The following FGF13 variants were observed in gnomAD, a reference collection of about 807,000 sequenced individuals.
FGF13 encodes the protein fibroblast growth factor homologous factor 2.
FGF13 carries 2 observed loss-of-function variants against 19.5 expected under a neutral mutation model. That is an observed-to-expected ratio of 0.10 (90% CI 0.04 to 0.32). The LOEUF is 0.32. Ranked by LOEUF, FGF13 falls within the 10% of genes least tolerant of loss-of-function variation. The pLI is 1.00. For synonymous variants in FGF13, 72 were observed against 76.9 expected, an observed-to-expected ratio of 0.94 and a Z score of 0.33; for missense variants, 113 against 192.7, an observed-to-expected ratio of 0.59 and a Z score of 2.45.
At chrX:138,944,471 TCTA>T (rs1391560179) in intron 1 of FGF13, among the ~76,000 whole-genome samples, 1 of 105,274 alleles carries the variant, frequency 9.5e-6, no homozygotes, top group Non-Finnish European at 1.9e-5. Context: ...GACCAGATTC[TCTA>T]CTGAGAGATC....
At chrX:139,090,158 A>T in intron 1 of FGF13, among the ~76,000 whole-genome samples, 1 of 112,302 alleles carries the variant, frequency 8.9e-6, no homozygotes, top group Admixed American at 9.4e-5. Context: ...TAATGTGTCA[A>T]GCACCATGAC....
chrX:138,858,848 T>A (rs1401423467), intron 2 of FGF13, among the ~76,000 whole-genome samples: 2 of 112,073 alleles, frequency 1.8e-5, no homozygotes, highest in African/African-American at 6.5e-5. Context: ...GCTCATTGGC[T>A]GGGATCTTAA....
At chrX:138,697,732 C>T (rs1283619976) in intron 3 of FGF13, among the ~76,000 whole-genome samples, 1 of 111,020 alleles carries the variant, frequency 9.0e-6, no homozygotes, top group East Asian at 2.8e-4. Flanking sequence ...AATAGTAATG[C>T]TTTTGGTTTA....
chrX:138,752,255 C>T (rs2090403598), intron 3 of FGF13, among the ~76,000 whole-genome samples: 1 of 110,607 alleles, frequency 9.0e-6, no homozygotes, highest in Admixed American at 9.6e-5. Context: ...GGGGAAATCT[C>T]GTCTCTACTA....
chrX:138,977,548 T>C (rs1446708461), intron 1 of FGF13, among the ~76,000 whole-genome samples: 3 of 112,645 alleles, frequency 2.7e-5, no homozygotes, highest in Non-Finnish European at 3.7e-5. Flanking sequence ...TCCTAAGAAA[T>C]TGGCCTTTGC....
intron 1 of FGF13, among the ~76,000 whole-genome samples, chrX:139,021,026 G>A (rs1036234958): frequency 2.7e-5 from 3 of 111,122 alleles, no homozygotes; most frequent in African/African-American, 9.8e-5. Context: ...GAAATATATT[G>A]TAAAATATAT....
At chrX:138,885,700 A>AC (rs11428720) in intron 1 of FGF13, among the ~76,000 whole-genome samples, 1,598 of 98,588 alleles carry the variant, frequency 0.016, 27 homozygotes, top group African/African-American at 0.052. Flanking sequence ...GGCTTCTCTA[A>AC]CCCCCCCCGC....
chrX:138,835,880 G>A (rs2091109304), intron 3 of FGF13, among the ~76,000 whole-genome samples: 1 of 111,049 alleles, frequency 9.0e-6, no homozygotes, highest in Non-Finnish European at 1.9e-5. Flanking sequence ...TTGCTTGTCT[G>A]GAAAGGATCT....
chrX:138,711,054 G>GCCT lies in FGF13; in HGVS notation c.-54_-52dup. 1 of 1,196,250 alleles carries GCCT rather than the reference G, an allele frequency of 8.4e-7. No individual in the cohort carries two copies. The highest frequency in any genetic ancestry group is 1.7e-5 in the African/African-American group (1 of 57,637). On this transcript the variant is annotated 5_prime_UTR_variant, in exon 1 of 5. Transcript: ENST00000315930. Reference sequence around the variant, plus strand: ...TCTTTTGCTGCCCCTCTCTGGGTTCGCCTCCTCCTCCTTCTCCTCCGCTGC... The same window carrying GCCT: ...TCTTTTGCTGCCCCTCTCTGGGTTCGCCTCCTCCTCCTCCTTCTCCTCCGCTGC...
At chrX:138,917,325 CA>C (rs752226891) in intron 1 of FGF13, among the ~76,000 whole-genome samples, 3 of 111,545 alleles carry the variant, frequency 2.7e-5, no homozygotes, top group Non-Finnish European at 5.6e-5. Context: ...ACTGTTCTCA[CA>C]AGAAGAGGAA....
intron 1 of FGF13, among the ~76,000 whole-genome samples, chrX:139,127,675 C>T (rs1348614592): frequency 1.8e-5 from 2 of 111,766 alleles, no homozygotes; most frequent in Non-Finnish European, 1.9e-5. Flanking sequence ...TCTTGGCAGT[C>T]ACAAGGGCTA....
At chrX:138,962,251 T>C (rs1163975876) in intron 1 of FGF13, among the ~76,000 whole-genome samples, 1 of 112,136 alleles carries the variant, frequency 8.9e-6, no homozygotes, top group African/African-American at 3.2e-5. Context: ...AAAATGCTCA[T>C]CATCACTGGT....
intron 2 of FGF13, among the ~76,000 whole-genome samples, chrX:138,860,300 C>T (rs1004089680): frequency 9.0e-6 from 1 of 111,162 alleles, no homozygotes; most frequent in African/African-American, 3.3e-5. Flanking sequence ...AGATGACTTC[C>T]CACAGGACTC....
At chrX:138,803,178 T>C (rs1394541346) in intron 3 of FGF13, among the ~76,000 whole-genome samples, 1 of 112,135 alleles carries the variant, frequency 8.9e-6, no homozygotes, top group Non-Finnish European at 1.9e-5. Flanking sequence ...AATTAGCCTT[T>C]CTGCCACCAT....
chrX:138,953,421 C>A (rs1036550518), intron 1 of FGF13, among the ~76,000 whole-genome samples: 1 of 109,494 alleles, frequency 9.1e-6, no homozygotes, highest in East Asian at 2.9e-4. Flanking sequence ...CACCCCGGGG[C>A]CTGTGGTGGG....
intron 1 of FGF13, among the ~76,000 whole-genome samples, chrX:138,979,839 A>G (rs1236141783): frequency 9.0e-6 from 1 of 111,633 alleles, no homozygotes; most frequent in East Asian, 2.8e-4. Context: ...CAGTAGCGAG[A>G]TGCTTGTCAC....
chrX:138,951,756 G>A lies in FGF13; in HGVS notation c.-112-87106C>T, dbSNP rs189350344. Among the ~76,000 whole-genome samples, 199 of 111,741 alleles carry A rather than the reference G, an allele frequency of 1.8e-3. 1 individual carries two copies. Among genetic ancestry groups the A allele is most frequent in the African/African-American group, 6.1e-3 (187 of 30,812 alleles). On this transcript the variant is annotated intron_variant, in intron 1 of 2. Transcript: ENST00000421460. Reference sequence around the variant, plus strand: ...ATATCAAGGCTGGCAAAGATGTGGTGCATACACAACTCTCATATATTGCTA... The same window carrying A: ...ATATCAAGGCTGGCAAAGATGTGGTACATACACAACTCTCATATATTGCTA...
chrX:139,116,531 G>A (rs1301144105), intron 1 of FGF13, among the ~76,000 whole-genome samples: 2 of 111,274 alleles, frequency 1.8e-5, no homozygotes, highest in Non-Finnish European at 3.8e-5. Flanking sequence ...TGAATCTTGA[G>A]AAAATATGAA....
intron 1 of FGF13, among the ~76,000 whole-genome samples, chrX:139,141,060 GATA>G (rs2083839979): frequency 2.0e-5 from 2 of 100,047 alleles, no homozygotes; most frequent in South Asian, 9.4e-4. Flanking sequence ...TAGATAGATA[GATA>G]GATAGATAGA....
Sources: gnomAD v4.1 joint callset for allele counts (sites outside exome capture counted in the v4.1 genomes callset) on GRCh38, gnomAD v4.1.1 for gene constraint, MANE v1.5 for transcripts, NCBI Gene and HGNC (gene_info 2026-07-23, HGNC 2026-07-21) for gene names.